The following TPBG variants were observed in gnomAD, a reference collection of about 807,000 sequenced individuals.
The protein encoded by TPBG is trophoblast glycoprotein.
In TPBG, 13 loss-of-function variants were observed where a neutral mutation model predicts 19.3. The observed-to-expected ratio is 0.67, with a 90% CI of 0.44 to 1.07. The LOEUF is 1.07. Among genes scored for constraint, TPBG ranks in the 50% least tolerant of loss-of-function variants. TPBG has a pLI of 0.00. For synonymous variants in TPBG, 338 were observed against 259.8 expected, an observed-to-expected ratio of 1.30 and a Z score of -2.89; for missense variants, 642 against 559.6, an observed-to-expected ratio of 1.15 and a Z score of -1.49.
Position 82,365,034 on chromosome 6 carries a change from C to T in TPBG, c.73C>T (p.Leu25Phe), listed in dbSNP as rs1281522682. The change falls in exon 2 of 2, where the codon CTC (leucine) becomes TTC (phenylalanine). Residue 25 changes from leucine to phenylalanine, a missense_variant. Coordinates refer to ENST00000369750, the MANE Select transcript of TPBG (RefSeq NM_001376922.1). ...RLRLARLALV[L>F]LGWVSSSSPT... ...GCGGCTGGCGCGACTAGCGCTGGTA[C>T]TCCTGGGCTGGGTCTCCTCGTCTTC... is the stretch of plus-strand genomic sequence containing the variant. 1.9e-6 allele frequency: 3 copies of T among 1,545,868 alleles called. No individual in the cohort carries two copies. Among genetic ancestry groups the T allele is most frequent in the Non-Finnish European group, 1.7e-6 (2 of 1,145,284 alleles).
Position 82,364,975 on chromosome 6 carries a change from G to T in TPBG, c.14G>T (p.Cys5Phe). MPGG[C>F]SRGPAAGDGR... ...ACGCGAGCCGCGATGCCTGGGGGGT[G>T]CTCCCGGGGCCCCGCCGCCGGGGAC... The change falls in exon 2 of 2, where the codon TGC becomes TTC. Residue 5 changes from cysteine (C) to phenylalanine (F), a missense_variant. Transcript: ENST00000369750. 6.6e-7 allele frequency: 1 copy of T among 1,510,088 alleles called. No individual in the cohort carries two copies. The highest frequency in any genetic ancestry group is 8.8e-7 in the Non-Finnish European group (1 of 1,131,556). 93.5% of individuals were successfully genotyped at this position (1,510,088 alleles called of 1,614,324 possible).
At position 82,365,653 on chromosome 6, in the gene TPBG, C is replaced by T; in HGVS notation, c.692C>T (p.Ala231Val). 6 of 1,603,914 alleles carry T rather than the reference C, an allele frequency of 3.7e-6. No individual in the cohort carries two copies. Among genetic ancestry groups the T allele is most frequent in the Non-Finnish European group, 5.1e-6 (6 of 1,174,840 alleles). The change falls in exon 2 of 2, where the codon GCC becomes GTC. Residue 231 changes from alanine (A) to valine (V), a missense_variant. By Grantham distance (64) the Ala-to-Val change is moderately conservative. Transcript: ENST00000369750. ...CTTTACCTGCCGCGGGATGTGCTGG[C>T]CCAACTGCCCAGCCTCAGGCACCTG... ...HFLYLPRDVL[A>V]QLPSLRHLDL...
rs894560753 is a variant in TPBG at position 82,366,464 on chromosome 6, G to C, written c.*240G>C. 3 of 399,996 alleles carry C rather than the reference G, an allele frequency of 7.5e-6. No homozygotes were observed. The highest frequency in any genetic ancestry group is 7.0e-4 in the Middle Eastern group (1 of 1,438). The allele number at this position is 399,996 out of a possible 1,614,324, so 24.8% of individuals were successfully genotyped here. Reference sequence around the variant, plus strand: ...TCTTTTTCTTGGAACTCCTCAACACGTATGGAGGGATTTTTCAGGTTTCAG... The same window carrying C: ...TCTTTTTCTTGGAACTCCTCAACACCTATGGAGGGATTTTTCAGGTTTCAG... On this transcript the variant is annotated 3_prime_UTR_variant, in exon 2 of 2. Transcript: ENST00000369750.
In TPBG at chr6:82,365,578, G is replaced by C; in HGVS notation, c.617G>C (p.Gly206Ala). Reference protein sequence around the residue: ...EGMVVAALLAGRALQGLRRLE... With the variant: ...EGMVVAALLAARALQGLRRLE... ...ATGGTGGTGGCGGCCCTGCTGGCGGGCCGTGCACTGCAGGGGCTCCGCCGC... is the reference window on the plus strand; with the variant it reads ...ATGGTGGTGGCGGCCCTGCTGGCGGCCCGTGCACTGCAGGGGCTCCGCCGC... Residue 206 changes from glycine (G) to alanine (A), a missense_variant, in exon 2 of 2, where the codon GGC (glycine) becomes GCC (alanine). By Grantham distance (60) the Gly-to-Ala change is moderately conservative (BLOSUM62 0). Transcript: ENST00000369750. 2 of 1,588,174 alleles carry C rather than the reference G, an allele frequency of 1.3e-6. No individual in the cohort carries two copies. The highest frequency in any genetic ancestry group is 1.7e-6 in the Non-Finnish European group (2 of 1,168,136).
Position 82,365,345 on chromosome 6 carries a change from C to T in TPBG, c.384C>T (p.Ser128=). Residue 128 remains serine (S), a synonymous_variant, in exon 2 of 2, where the codon AGC becomes AGT. Transcript: ENST00000369750. ...AELAALNLSG[S]RLDEVRAGAF... ...TGGCCGCGCTCAACCTCAGCGGCAG[C>T]CGCCTGGACGAGGTGCGCGCGGGCG... 2 of 1,577,736 alleles carry T rather than the reference C, an allele frequency of 1.3e-6. No homozygotes were observed. The highest frequency in any genetic ancestry group is 1.4e-5 in the African/African-American group (1 of 72,326).
rs1767430877 is a variant in TPBG at position 82,364,854 on chromosome 6, G to A, written c.-108G>A. On this transcript the variant is annotated 5_prime_UTR_variant, in exon 2 of 2. Coordinates refer to ENST00000369750, the MANE Select transcript of TPBG (RefSeq NM_001376922.1). ...ACTCCCTCGGTTCCACGAGAGGAAA[G>A]TTTTTTTTTTCCAGACGCTTCCGCC... 3 of 916,574 alleles carry A rather than the reference G, an allele frequency of 3.3e-6. No individual in the cohort carries two copies. The highest frequency in any genetic ancestry group is 2.6e-5 in the South Asian group (1 of 38,634). 56.8% of individuals were successfully genotyped at this position (916,574 alleles called of 1,614,324 possible).
chr6:82,366,315 C>T lies in TPBG; in HGVS notation c.*91C>T. 2.1e-6 allele frequency: 3 copies of T among 1,416,474 alleles called. No homozygotes were observed. Among genetic ancestry groups the T allele is most frequent in the Non-Finnish European group, 2.8e-6 (3 of 1,055,656 alleles). The allele number at this position is 1,416,474 out of a possible 1,614,324, so 87.7% of individuals were successfully genotyped here. The stretch of plus-strand genomic sequence containing the variant: ...AGGCTTGCTCCACTTTCATCCTCCA[C>T]TATAGATACAACGGACTTTGACTAA... On this transcript the variant is annotated 3_prime_UTR_variant, in exon 2 of 2. Transcript: ENST00000369750.
chr6:82,365,285 C>CGCG lies in TPBG; in HGVS notation c.325_326insCGG (p.Ala108dup). On this transcript the variant is annotated inframe_insertion, in exon 2 of 2. Transcript: ENST00000369750. The stretch of plus-strand genomic sequence containing the variant: ...GCAACCAGCTGGCCGTGCTCCCTGC[C>CGCG]GGCGCCTTCGCCCGCCGGCCGCCGC... 1 of 1,547,792 alleles carries CGCG rather than the reference C, an allele frequency of 6.5e-7. No individual in the cohort carries two copies. The highest frequency in any genetic ancestry group is 8.6e-7 in the Non-Finnish European group (1 of 1,157,890).
Position 82,365,796 on chromosome 6 carries a change from G to C in TPBG, c.835G>C (p.Ala279Pro), listed in dbSNP as rs1767482764. Reference protein sequence around the residue: ...ALKVLHNGTLAELQGLPHIRV... With the variant: ...ALKVLHNGTLPELQGLPHIRV... ...CAAGGTCCTTCACAATGGCACCCTG[G>C]CTGAGTTGCAAGGTCTACCCCACAT... The change falls in exon 2 of 2, where the codon GCT (alanine) becomes CCT (proline). Residue 279 changes from alanine (A) to proline (P), a missense_variant. By Grantham distance (27) the Ala-to-Pro change is conservative. Transcript: ENST00000369750. 6.2e-7 allele frequency: 1 copy of C among 1,614,028 alleles called. No homozygotes were observed. Among genetic ancestry groups the C allele is most frequent in the Non-Finnish European group, 8.5e-7 (1 of 1,180,048 alleles).
intron 1 of TPBG, 53 bp from the exon 2 acceptor site, chr6:82,364,570 T>C (rs537827290): frequency 3.1e-5 from 6 of 196,600 alleles, no homozygotes; most frequent in East Asian, 1.2e-4. Flanking sequence ...GTTTTTGCAC[T>C]CCGGAAGCCG....
Position 82,365,288 on chromosome 6 carries a change from C to T in TPBG, c.327C>T (p.Gly109=), listed in dbSNP as rs550704655. ...ACCAGCTGGCCGTGCTCCCTGCCGG[C>T]GCCTTCGCCCGCCGGCCGCCGCTGG... ...TGNQLAVLPA[G]AFARRPPLAE... is the part of the protein sequence containing the mutation. Residue 109 remains glycine, a synonymous_variant, in exon 2 of 2, where the codon GGC becomes GGT. Transcript: ENST00000369750. 6.6e-7 allele frequency: 1 copy of T among 1,524,848 alleles called. No individual in the cohort carries two copies. The highest frequency in any genetic ancestry group is 1.3e-5 in the South Asian group (1 of 79,888). The allele number at this position is 1,524,848 out of a possible 1,614,324, so 94.5% of individuals were successfully genotyped here.
chr6:82,364,371 A>C (rs561344214), intron 1 of TPBG: 1 of 152,462 alleles, frequency 6.6e-6, no homozygotes, highest in Non-Finnish European at 1.5e-5. Flanking sequence ...GGAAAGGCGG[A>C]GGGCGGGAGG....
Position 82,365,005 on chromosome 6 carries a change from G to T in TPBG, c.44G>T (p.Arg15Leu). 2 of 1,533,182 alleles carry T rather than the reference G, an allele frequency of 1.3e-6. No homozygotes were observed. Among genetic ancestry groups the T allele is most frequent in the Non-Finnish European group, 1.8e-6 (2 of 1,140,526 alleles). The allele number at this position is 1,533,182 out of a possible 1,614,324, so 95.0% of individuals were successfully genotyped here. A position where few individuals can be genotyped will look rare whatever the true frequency, so the allele number is the denominator to read the frequency against. ...CGGGGCCCCGCCGCCGGGGACGGGC[G>T]TCTGCGGCTGGCGCGACTAGCGCTG... is the stretch of plus-strand genomic sequence containing the variant. ...CSRGPAAGDGRLRLARLALVL... is the reference protein window; with the variant it reads ...CSRGPAAGDGLLRLARLALVL... The change falls in exon 2 of 2, where the codon CGT (arginine) becomes CTT (leucine). Residue 15 changes from arginine (R) to leucine (L), a missense_variant. Physicochemically the swap from Arg to Leu is moderately radical, Grantham distance 102 (BLOSUM62 -2). Coordinates refer to ENST00000369750, the MANE Select transcript of TPBG (RefSeq NM_001376922.1).
At position 82,365,631 on chromosome 6, in the gene TPBG, T is replaced by C. The variant is rs1490621147; in HGVS notation, c.670T>C (p.Tyr224His). The C allele has an allele frequency of 6.2e-7, 1 of 1,604,952 alleles. No homozygotes were observed. The highest frequency in any genetic ancestry group is 2.2e-5 in the East Asian group (1 of 44,820). ...GGAGCTGGCCAGCAACCACTTCCTT[T>C]ACCTGCCGCGGGATGTGCTGGCCCA... is the stretch of plus-strand genomic sequence containing the variant. ...RLELASNHFL[Y>H]LPRDVLAQLP... Residue 224 changes from tyrosine (Y) to histidine (H), a missense_variant, in exon 2 of 2, where the codon TAC (tyrosine) becomes CAC (histidine). Tyr to His is a moderately conservative substitution (Grantham distance 83, BLOSUM62 2). Transcript: ENST00000369750.
rs1767506884 is a variant in TPBG, at chr6:82,366,437, C to T, written c.*213C>T. 1 of 500,646 alleles carries T rather than the reference C, an allele frequency of 2.0e-6. No homozygotes were observed. The highest frequency in any genetic ancestry group is 3.4e-6 in the Non-Finnish European group (1 of 292,238). 31.0% of individuals were successfully genotyped at this position (500,646 alleles called of 1,614,324 possible). ...ACAGTTGTGTATAGTGTTTTACCCT[C>T]TTCTTTTTCTTGGAACTCCTCAACA... is the stretch of plus-strand genomic sequence containing the variant. On this transcript the variant is annotated 3_prime_UTR_variant, in exon 2 of 2. Coordinates refer to ENST00000369750, the MANE Select transcript of TPBG (RefSeq NM_001376922.1).
At position 82,365,274 on chromosome 6, in the gene TPBG, G is replaced by A. The variant is rs779110756; in HGVS notation, c.313G>A (p.Val105Met). Residue 105 changes from valine to methionine, a missense_variant, in exon 2 of 2, where the codon GTG (valine) becomes ATG (methionine). Coordinates refer to ENST00000369750, the MANE Select transcript of TPBG (RefSeq NM_001376922.1). ...CTTCCTTACCGGCAACCAGCTGGCCGTGCTCCCTGCCGGCGCCTTCGCCCG... is the reference window on the plus strand; with the variant it reads ...CTTCCTTACCGGCAACCAGCTGGCCATGCTCCCTGCCGGCGCCTTCGCCCG... The part of the protein sequence containing the change: ...NLFLTGNQLA[V>M]LPAGAFARRP... 3.8e-6 allele frequency: 6 copies of A among 1,571,692 alleles called. No homozygotes were observed. The East Asian group carries it at 9.6e-5, about 25-fold the overall frequency.
chr6:82,365,905 T>C lies in TPBG; in HGVS notation c.944T>C (p.Val315Ala). 2 of 1,614,180 alleles carry C rather than the reference T, an allele frequency of 1.2e-6. No individual in the cohort carries two copies. Among genetic ancestry groups the C allele is most frequent in the East Asian group, 2.2e-5 (1 of 44,876 alleles). The part of the protein sequence containing the change: ...MVTWLKETEV[V>A]QGKDRLTCAY... ...ACCTGGCTCAAGGAAACAGAGGTAG[T>C]GCAGGGCAAAGACCGGCTCACCTGT... The change falls in exon 2 of 2, where the codon GTG becomes GCG. Residue 315 changes from valine (V) to alanine (A), a missense_variant. Transcript: ENST00000369750.
At chr6:82,363,784 C>CGGAGGTTG (rs1359336641), upstream of TPBG, 6 of 152,418 alleles carry the variant, frequency 3.9e-5, no homozygotes, top group Non-Finnish European at 7.3e-5. Flanking sequence ...TTCCCAGCTG[C>CGGAGGTTG]GGAGGTTGGG....
chr6:82,365,483 C>A lies in TPBG; in HGVS notation c.522C>A (p.Pro174=). Residue 174 remains proline, a synonymous_variant, in exon 2 of 2, where the codon CCC becomes CCA. Coordinates refer to ENST00000369750, the MANE Select transcript of TPBG (RefSeq NM_001376922.1). ...ATGCCAGCGTCTCGGCCCCCAGTCCCCTTGTGGAACTGATCCTGAACCACA... is the reference window on the plus strand; with the variant it reads ...ATGCCAGCGTCTCGGCCCCCAGTCCACTTGTGGAACTGATCCTGAACCACA... ...GSNASVSAPS[P]LVELILNHIV... 2.5e-6 allele frequency: 4 copies of A among 1,605,632 alleles called. No homozygotes were observed. The highest frequency in any genetic ancestry group is 3.4e-6 in the Non-Finnish European group (4 of 1,176,530).
Sources: allele counts gnomAD v4.1 joint callset, GRCh38; gene constraint gnomAD v4.1.1; transcripts MANE v1.5; gene names NCBI Gene and HGNC (gene_info 2026-07-23, HGNC 2026-07-21).